LINGO2: variants seen among roughly 807,000 people sequenced by gnomAD.
LINGO2 encodes leucine rich repeat and Ig domain containing 2.
In LINGO2, 14 loss-of-function variants were observed where a neutral mutation model predicts 30.6. That is an observed-to-expected ratio of 0.46 (90% CI 0.30 to 0.72). The LOEUF (loss-of-function observed/expected upper bound fraction) is 0.72, where lower values mean the gene tolerates loss of function less well. Among genes scored for constraint, LINGO2 ranks in the 30% least tolerant of loss-of-function variants. LINGO2 has a pLI of 0.07. For synonymous variants in LINGO2, 317 were observed against 288.5 expected (o/e 1.10, Z -1.00); for missense variants, 729 against 751.7 (o/e 0.97, Z 0.35).
At chr9:28,196,190 A>G (rs59836835) in intron 4 of LINGO2, among the ~76,000 whole-genome samples, 7,077 of 151,762 alleles carry the variant, frequency 0.047, 194 homozygotes, top group African/African-American at 0.076. Flanking sequence ...TTGTTAAAAC[A>G]CACATTAAAT....
intron 4 of LINGO2, among the ~76,000 whole-genome samples, chr9:28,274,922 G>A (rs1228000767): frequency 1.3e-5 from 2 of 152,158 alleles, no homozygotes; most frequent in Admixed American, 1.3e-4. Context: ...TAAGTTAGGT[G>A]CTCACAAGTA....
chr9:28,176,836 G>C (rs542990402), intron 4 of LINGO2, among the ~76,000 whole-genome samples: 1 of 152,230 alleles, frequency 6.6e-6, no homozygotes, highest in South Asian at 2.1e-4. Context: ...ACTTAACTTG[G>C]CATCAGCAGC....
chr9:29,039,421 G>A, the LINGO2 span, among the ~76,000 whole-genome samples: 2 of 152,014 alleles, frequency 1.3e-5, no homozygotes, highest in African/African-American at 4.8e-5. Flanking sequence ...TTCACTTCAG[G>A]GATGAGTCAT....
rs78698640 is a variant in LINGO2 at position 28,367,219 on chromosome 9, T to A, written c.-246+5617A>T. Among the ~76,000 whole-genome samples, 496 of 152,346 alleles carry A rather than the reference T, an allele frequency of 3.3e-3. 3 individuals carry two copies. Among genetic ancestry groups the A allele is most frequent in the African/African-American group, 0.011 (477 of 41,586 alleles). ...TGGAGTTAGTAATTGCCCTGTTTCA[T>A]GACTTGCATGATTTCTATAAATCTG... On this transcript the variant is annotated intron_variant, in intron 3 of 5. Coordinates refer to ENST00000379992, the Ensembl canonical transcript of LINGO2.
At chr9:29,107,429 G>C in the LINGO2 span, among the ~76,000 whole-genome samples, 3 of 152,034 alleles carry the variant, frequency 2.0e-5, no homozygotes, top group Non-Finnish European at 4.4e-5. Flanking sequence ...TTGCAGTTAA[G>C]GCTTTGGAGT....
the LINGO2 span, among the ~76,000 whole-genome samples, chr9:28,918,187 G>A: frequency 2.0e-5 from 3 of 152,072 alleles, no homozygotes; most frequent in East Asian, 3.9e-4. Context: ...AGGAGGTGAA[G>A]GGCACTTCTT....
At chr9:28,891,662 C>T in the LINGO2 span, among the ~76,000 whole-genome samples, 3 of 151,768 alleles carry the variant, frequency 2.0e-5, no homozygotes, top group African/African-American at 7.3e-5. Context: ...ATACCCATTC[C>T]TTGTACTTCT....
the LINGO2 span, among the ~76,000 whole-genome samples, chr9:28,767,621 T>TA: frequency 6.7e-4 from 101 of 151,800 alleles, 2 homozygotes; most frequent in African/African-American, 2.3e-3. Context: ...CCGTCTCTAC[T>TA]AAAAATACAA....
At chr9:28,877,632 C>A in the LINGO2 span, among the ~76,000 whole-genome samples, 2 of 152,128 alleles carry the variant, frequency 1.3e-5, no homozygotes, top group Non-Finnish European at 2.9e-5. Flanking sequence ...GGTACCAGTA[C>A]CATGCTGTTT....
intron 4 of LINGO2, among the ~76,000 whole-genome samples, chr9:28,285,657 G>C (rs1052667631): frequency 2.0e-5 from 3 of 151,700 alleles, no homozygotes; most frequent in African/African-American, 7.3e-5. Context: ...TGCCTGCCTC[G>C]GCCTCCCAAA....
intron 4 of LINGO2, among the ~76,000 whole-genome samples, chr9:28,051,661 T>C (rs1479975130): frequency 6.6e-6 from 1 of 152,080 alleles, no homozygotes; most frequent in East Asian, 1.9e-4. Flanking sequence ...TTTCAAACCC[T>C]GCCTAGGATT....
intron 4 of LINGO2, among the ~76,000 whole-genome samples, chr9:28,132,697 T>G (rs1827411193): frequency 6.6e-6 from 1 of 152,252 alleles, no homozygotes. Flanking sequence ...CTACAGCTGC[T>G]TCTGGTTTTC....
chr9:28,054,004 G>A lies in LINGO2; in HGVS notation c.-86-41599C>T, dbSNP rs375136388. On this transcript the variant is annotated intron_variant, in intron 4 of 5. Transcript: ENST00000379992. ...TTAGTATCAGTTACCAGTTGTCGAGGGCCTGTATATATGCAATTCTGCATC... is the reference window on the plus strand; with the variant it reads ...TTAGTATCAGTTACCAGTTGTCGAGAGCCTGTATATATGCAATTCTGCATC... 2.6e-4 allele frequency among the ~76,000 whole-genome samples: 40 copies of A among 151,896 alleles called. No individual in the cohort carries two copies. The South Asian group carries it at 6.6e-3, about 25-fold the overall frequency.
At chr9:28,233,674 G>C in intron 4 of LINGO2, among the ~76,000 whole-genome samples, 1 of 152,148 alleles carries the variant, frequency 6.6e-6, no homozygotes, top group Non-Finnish European at 1.5e-5. Flanking sequence ...CAACAAAAGT[G>C]ATTACTTCCT....
chr9:28,325,464 A>T (rs113464311), intron 3 of LINGO2, among the ~76,000 whole-genome samples: 1 of 152,238 alleles, frequency 6.6e-6, no homozygotes, highest in Non-Finnish European at 1.5e-5. Flanking sequence ...TACCCACCCA[A>T]ATCTCATCTT....
chr9:28,648,707 T>C (rs1827954892), intron 1 of LINGO2, among the ~76,000 whole-genome samples: 1 of 152,122 alleles, frequency 6.6e-6, no homozygotes, highest in Non-Finnish European at 1.5e-5. Context: ...GTCTTAGTAC[T>C]CTTAGTCTAA....
At chr9:28,309,451 A>AG (rs1176986386) in intron 3 of LINGO2, among the ~76,000 whole-genome samples, 1 of 149,668 alleles carries the variant, frequency 6.7e-6, no homozygotes, top group Non-Finnish European at 1.5e-5. Flanking sequence ...GGGAGGGGGG[A>AG]GGGATAGCAT....
At chr9:28,465,663 T>C (rs1033077859) in intron 2 of LINGO2, among the ~76,000 whole-genome samples, 1 of 152,050 alleles carries the variant, frequency 6.6e-6, no homozygotes, top group Non-Finnish European at 1.5e-5. Context: ...AATCAAGAAA[T>C]TGAAGAGACG....
intron 4 of LINGO2, among the ~76,000 whole-genome samples, chr9:28,117,495 C>A (rs548619939): frequency 3.3e-5 from 3 of 90,892 alleles, no homozygotes; most frequent in Non-Finnish European, 6.8e-5. Flanking sequence ...CAATGGCGGG[C>A]GCCCCTCCCC....
Sources: allele counts gnomAD v4.1 joint callset (sites outside exome capture counted in the v4.1 genomes callset), GRCh38; gene constraint gnomAD v4.1.1; transcripts MANE v1.5; gene names NCBI Gene and HGNC (gene_info 2026-07-23, HGNC 2026-07-21).